ADAMTSL3: variants seen among roughly 807,000 people sequenced by gnomAD.
ADAMTSL3 encodes the protein ADAMTS like 3, also known as ADAMTS-like protein 3.
In ADAMTSL3, 128 loss-of-function variants were observed where a neutral mutation model predicts 201.7. The ratio of observed to expected loss-of-function variants is 0.63; its 90% CI spans 0.55 to 0.73. The LOEUF (loss-of-function observed/expected upper bound fraction) is 0.73, where lower values mean the gene tolerates loss of function less well. Ranked by LOEUF, ADAMTSL3 falls within the 30% of genes least tolerant of loss-of-function variation. ADAMTSL3 has a pLI of 0.00. For synonymous variants in ADAMTSL3, 738 were observed against 748.4 expected (o/e 0.99, Z 0.23); for missense variants, 1,990 against 2,119.6 (o/e 0.94, Z 1.20).
intron 20 of ADAMTSL3, among the ~76,000 whole-genome samples, chr15:83,980,069 A>G (rs764410902): frequency 2.6e-5 from 4 of 152,236 alleles, no homozygotes; most frequent in Non-Finnish European, 5.9e-5. Flanking sequence ...TCTAACAAAT[A>G]GCAAAATTTG....
At chr15:83,839,658 G>A (rs1365223595) in intron 7 of ADAMTSL3, among the ~76,000 whole-genome samples, 1 of 152,180 alleles carries the variant, frequency 6.6e-6, no homozygotes, top group Non-Finnish European at 1.5e-5. Context: ...GGTAGCGTGG[G>A]AGGAAACGTA....
At chr15:83,708,702 C>G (rs2061889099) in intron 3 of ADAMTSL3, among the ~76,000 whole-genome samples, 1 of 152,200 alleles carries the variant, frequency 6.6e-6, no homozygotes, top group East Asian at 1.9e-4. Flanking sequence ...GATCTGAACT[C>G]TTTCCACTCT....
At chr15:83,912,397 G>GGT (rs2065950316) in intron 15 of ADAMTSL3, among the ~76,000 whole-genome samples, 2 of 152,138 alleles carry the variant, frequency 1.3e-5, no homozygotes, top group African/African-American at 4.8e-5. Context: ...ACATAAAAAT[G>GGT]ATTCTCAGCT....
rs753542837 is a variant in ADAMTSL3 at position 83,982,924 on chromosome 15, T to A, written c.3296T>A (p.Leu1099Gln). ...ATGGATACAGCCCAGTTTGATGAGC[T>A]GATAAGAAACATGAGTCAGCTCATG... ...YSMDTAQFDE[L>Q]IRNMSQLMET... Residue 1099 changes from leucine (L) to glutamine (Q), a missense_variant, in exon 21 of 30, where the codon CTG (leucine) becomes CAG (glutamine). By Grantham distance (113) the Leu-to-Gln change is moderately radical (BLOSUM62 -2). Coordinates refer to ENST00000286744, the MANE Select transcript of ADAMTSL3 (RefSeq NM_207517.3). 2 of 1,614,072 alleles carry A rather than the reference T, an allele frequency of 1.2e-6. No homozygotes were observed. Among genetic ancestry groups the A allele is most frequent in the East Asian group, 2.2e-5 (1 of 44,874 alleles).
chr15:83,655,151 G>T (rs2061060678), intron 1 of ADAMTSL3, among the ~76,000 whole-genome samples: 1 of 152,158 alleles, frequency 6.6e-6, no homozygotes, highest in South Asian at 2.1e-4. Context: ...CTGGCTCAGG[G>T]GCTGTGTCCT....
intron 7 of ADAMTSL3, among the ~76,000 whole-genome samples, chr15:83,849,422 A>C (rs1276883526): frequency 6.6e-6 from 1 of 152,190 alleles, no homozygotes; most frequent in Non-Finnish European, 1.5e-5. Context: ...CACCACGCCC[A>C]GCCACCGTCC....
chr15:83,912,715 G>A (rs888614247), intron 15 of ADAMTSL3, among the ~76,000 whole-genome samples: 2 of 152,052 alleles, frequency 1.3e-5, no homozygotes, highest in African/African-American at 4.8e-5. Context: ...CTAATTTACT[G>A]AATAAATATT....
At chr15:83,866,045 A>G (rs1356812277) in intron 8 of ADAMTSL3, among the ~76,000 whole-genome samples, 1 of 152,354 alleles carries the variant, frequency 6.6e-6, no homozygotes, top group Non-Finnish European at 1.5e-5. Context: ...AAATGAAATC[A>G]AAACCATGAT....
intron 4 of ADAMTSL3, among the ~76,000 whole-genome samples, chr15:83,779,051 C>G (rs1314968841): frequency 6.6e-6 from 1 of 152,140 alleles, no homozygotes; most frequent in Non-Finnish European, 1.5e-5. Context: ...GTTCAATTCA[C>G]AAGAAGACCG....
At chr15:83,850,682 A>C (rs2064594509) in intron 7 of ADAMTSL3, among the ~76,000 whole-genome samples, 1 of 152,070 alleles carries the variant, frequency 6.6e-6, no homozygotes, top group African/African-American at 2.4e-5. Flanking sequence ...CAGCTACTTG[A>C]TTGAAACTGC....
intron 21 of ADAMTSL3, among the ~76,000 whole-genome samples, chr15:83,985,922 G>A (rs748381730): frequency 1.3e-5 from 2 of 151,762 alleles, no homozygotes; most frequent in Non-Finnish European, 2.9e-5. Flanking sequence ...GAGTCGCCAC[G>A]CCTGGCCGTT....
At chr15:83,995,647 TTTC>T (rs772434021) in intron 23 of ADAMTSL3, among the ~76,000 whole-genome samples, 1 of 152,082 alleles carries the variant, frequency 6.6e-6, no homozygotes, top group South Asian at 2.1e-4. Context: ...ACTACAAAAA[TTTC>T]TTCTTATTTA....
At chr15:83,685,605 G>A (rs1275037322) in intron 2 of ADAMTSL3, among the ~76,000 whole-genome samples, 2 of 152,072 alleles carry the variant, frequency 1.3e-5, no homozygotes, top group East Asian at 3.9e-4. Flanking sequence ...TTCGCCCAAA[G>A]GAAAATTATT....
intron 2 of ADAMTSL3, among the ~76,000 whole-genome samples, chr15:83,688,693 TCAC>T (rs1444681354): frequency 6.6e-6 from 1 of 151,372 alleles, no homozygotes; most frequent in Non-Finnish European, 1.5e-5. Flanking sequence ...ATTAAATAAT[TCAC>T]CACTTTCTCA....
At chr15:83,845,431 T>G (rs1182814092) in intron 7 of ADAMTSL3, among the ~76,000 whole-genome samples, 1 of 152,216 alleles carries the variant, frequency 6.6e-6, no homozygotes, top group African/African-American at 2.4e-5. Context: ...TCAGTGGGAC[T>G]AAATGATATT....
At chr15:83,874,671 G>A (rs2065145499) in intron 9 of ADAMTSL3, among the ~76,000 whole-genome samples, 1 of 143,726 alleles carries the variant, frequency 7.0e-6, no homozygotes, top group South Asian at 2.2e-4. Context: ...GAGCTCTAAA[G>A]CCAGCCAAGG....
intron 3 of ADAMTSL3, among the ~76,000 whole-genome samples, chr15:83,735,014 A>G (rs1404875395): frequency 2.0e-5 from 3 of 152,192 alleles, no homozygotes. Flanking sequence ...ACCTGTAGTT[A>G]TAATAGTTCA....
intron 15 of ADAMTSL3, among the ~76,000 whole-genome samples, chr15:83,907,017 C>A (rs1451845420): frequency 6.6e-6 from 1 of 150,708 alleles, no homozygotes; most frequent in Non-Finnish European, 1.5e-5. Flanking sequence ...TTGGTTGAGC[C>A]CCAGAGTTCA....
At chr15:83,951,983 C>T (rs995156210) in intron 19 of ADAMTSL3, among the ~76,000 whole-genome samples, 13 of 151,686 alleles carry the variant, frequency 8.6e-5, no homozygotes, top group African/African-American at 2.2e-4. Context: ...TCGTTTGTAT[C>T]GTATTTCTTC....
Sources: gnomAD v4.1 joint callset for allele counts (sites outside exome capture counted in the v4.1 genomes callset) on GRCh38, gnomAD v4.1.1 for gene constraint, MANE v1.5 for transcripts, NCBI Gene and HGNC (gene_info 2026-07-23, HGNC 2026-07-21) for gene names.